SLIT3: variants seen among roughly 807,000 people sequenced by gnomAD.
SLIT3 encodes slit guidance ligand 3.
SLIT3 carries 68 observed loss-of-function variants against 184.0 expected under a neutral mutation model. The observed-to-expected ratio is 0.37, with a 90% CI of 0.30 to 0.45. SLIT3 has a LOEUF of 0.45. SLIT3 is among the 20% of genes least tolerant of loss of function. The pLI is 1.00. For synonymous variants in SLIT3, 831 were observed against 828.6 expected (o/e 1.00, Z -0.05); for missense variants, 1,707 against 2,026.0 (o/e 0.84, Z 3.02).
rs181519813 is a variant in SLIT3, at chr5:168,700,820, T to C, written c.2845-141A>G. On this transcript the variant is annotated intron_variant, in intron 26 of 35. Coordinates refer to ENST00000519560, the MANE Select transcript of SLIT3 (RefSeq NM_003062.4). The stretch of plus-strand genomic sequence containing the variant: ...AGGAGCCCCTAGGAAAGGCCTGCTG[T>C]GTGACTTGGAGCCCACCCATGGGAG... 1.8e-4 allele frequency: 114 copies of C among 645,940 alleles called. 2 individuals carry two copies. The Admixed American group carries it at 2.8e-3, about 16-fold the overall frequency. The allele number at this position is 645,940 out of a possible 1,614,324, so 40.0% of individuals were successfully genotyped here. A position where few individuals can be genotyped will look rare whatever the true frequency, so the allele number is the denominator to read the frequency against.
intron 4 of SLIT3, among the ~76,000 whole-genome samples, chr5:169,158,178 T>C (rs189809355): frequency 1.4e-4 from 21 of 152,250 alleles, no homozygotes; most frequent in African/African-American, 5.1e-4. Flanking sequence ...AGACGCACCA[T>C]AGAAAAATTT....
rs1217961148 is a variant in SLIT3, at chr5:168,746,724, CGGTGTGTGGT to C, written c.2270+1568_2270+1577del. On this transcript the variant is annotated intron_variant, in intron 20 of 35. Coordinates refer to ENST00000519560, the MANE Select transcript of SLIT3 (RefSeq NM_003062.4). ...GTGGTGGTGTGTGGTGTGGGTGTGGCGGTGTGTGGTGGTGTGCGGTGGTGTGGGTGTGGCG... is the reference window on the plus strand; with the variant it reads ...GTGGTGGTGTGTGGTGTGGGTGTGGCGGTGTGCGGTGGTGTGGGTGTGGCG... Among the ~76,000 whole-genome samples, 9 of 10,570 alleles carry C rather than the reference CGGTGTGTGGT, an allele frequency of 8.5e-4. No homozygotes were observed. In the South Asian group the frequency reaches 0.022, roughly 26 times the overall value. The allele number at this position is 10,570 out of a possible 152,430, so 6.9% of individuals were successfully genotyped here.
At chr5:168,769,480 T>C (rs1482793332) in intron 14 of SLIT3, among the ~76,000 whole-genome samples, 1 of 152,212 alleles carries the variant, frequency 6.6e-6, no homozygotes, top group East Asian at 1.9e-4. Flanking sequence ...TTGTCTGCCA[T>C]GTTGGACCAG....
intron 35 of SLIT3, among the ~76,000 whole-genome samples, chr5:168,667,109 T>C (rs1483780059): frequency 2.0e-5 from 3 of 152,206 alleles, no homozygotes; most frequent in Admixed American, 2.0e-4. Context: ...TCTGGATTTC[T>C]GCCTTCCTTG....
In SLIT3 at chr5:168,849,337, G is replaced by A. The variant is rs150507957; in HGVS notation, c.486-4682C>T. Among the ~76,000 whole-genome samples, 65 of 152,310 alleles carry A rather than the reference G, an allele frequency of 4.3e-4. 2 individuals carry two copies. Among genetic ancestry groups the A allele is most frequent in the African/African-American group, 1.5e-3 (61 of 41,580 alleles). ...CAGAGGCCCCAAATCCAGCAGCAGC[G>A]TTCTGCTCTGAGCTTCTGTTCATGT... On this transcript the variant is annotated intron_variant, in intron 5 of 35. Transcript: ENST00000519560.
chr5:169,037,241 A>G (rs1175414861), intron 4 of SLIT3, among the ~76,000 whole-genome samples: 5 of 152,270 alleles, frequency 3.3e-5, no homozygotes, highest in African/African-American at 4.8e-5. Flanking sequence ...AACAAAGTCC[A>G]TAATTACTAA....
intron 12 of SLIT3, among the ~76,000 whole-genome samples, chr5:168,776,333 G>C (rs1755746459): frequency 6.6e-6 from 1 of 152,188 alleles, no homozygotes; most frequent in Non-Finnish European, 1.5e-5. Flanking sequence ...TCTAATAATG[G>C]GCAAGGTCCC....
At chr5:169,109,487 C>T (rs535679185) in intron 4 of SLIT3, among the ~76,000 whole-genome samples, 2 of 152,352 alleles carry the variant, frequency 1.3e-5, no homozygotes, top group African/African-American at 2.4e-5. Context: ...GAAGATCCAA[C>T]TACACTGTGC....
At chr5:169,083,561 C>T (rs1262853039) in intron 4 of SLIT3, among the ~76,000 whole-genome samples, 1 of 152,234 alleles carries the variant, frequency 6.6e-6, no homozygotes, top group Non-Finnish European at 1.5e-5. Flanking sequence ...TCCCTGTGAT[C>T]TCCTGCTCTT....
At chr5:169,019,583 C>A (rs933682963) in intron 4 of SLIT3, among the ~76,000 whole-genome samples, 8 of 152,192 alleles carry the variant, frequency 5.3e-5, no homozygotes, top group Non-Finnish European at 8.8e-5. Context: ...CCACAAATGT[C>A]AGAAAAACTG....
chr5:168,913,513 G>C (rs1761323858), intron 4 of SLIT3, among the ~76,000 whole-genome samples: 1 of 152,046 alleles, frequency 6.6e-6, no homozygotes, highest in African/African-American at 2.4e-5. Context: ...CATGCCTGTA[G>C]TACCAGCACT....
Position 169,206,194 on chromosome 5 carries a change from CAA to C in SLIT3, c.342-12646_342-12645del, listed in dbSNP as rs1322306834. On this transcript the variant is annotated intron_variant, in intron 3 of 35. Transcript: ENST00000519560. ...AACACTCTGCAAAAGCACGCTCCATCAAGACATTAAGCATGCCTTGGGCAGCC... is the reference window on the plus strand; with the variant it reads ...AACACTCTGCAAAAGCACGCTCCATCGACATTAAGCATGCCTTGGGCAGCC... Among the ~76,000 whole-genome samples the C allele has an allele frequency of 4.6e-5, 7 of 152,312 alleles. No individual in the cohort carries two copies. In the East Asian group the frequency reaches 7.7e-4, roughly 17 times the overall value.
rs1048078404 is a variant in SLIT3, at chr5:169,065,515, T to C, written c.413+127964A>G. 3.3e-5 allele frequency among the ~76,000 whole-genome samples: 5 copies of C among 152,202 alleles called. No individual in the cohort carries two copies. In the East Asian group the frequency reaches 7.7e-4, roughly 23 times the overall value. On this transcript the variant is annotated intron_variant, in intron 4 of 35. Coordinates refer to ENST00000519560, the MANE Select transcript of SLIT3 (RefSeq NM_003062.4). ...TCCCCAGAAGTTCTATACTTGTCTC[T>C]CTGGGGAATGAATGGGAGGAGCCTG...
At chr5:169,104,215 T>C (rs1032982196) in intron 4 of SLIT3, among the ~76,000 whole-genome samples, 2 of 152,138 alleles carry the variant, frequency 1.3e-5, no homozygotes, top group African/African-American at 4.8e-5. Context: ...GGTGCACCCA[T>C]GAAGCCGCGC....
intron 4 of SLIT3, among the ~76,000 whole-genome samples, chr5:168,963,684 T>G (rs1409215209): frequency 6.6e-6 from 1 of 152,134 alleles, no homozygotes; most frequent in African/African-American, 2.4e-5. Flanking sequence ...TGATTCAGAG[T>G]CTGGACCATC....
chr5:168,798,224 T>TTC lies in SLIT3; in HGVS notation c.936-2647_936-2646insGA, dbSNP rs747068436. On this transcript the variant is annotated intron_variant, in intron 9 of 35. Coordinates refer to ENST00000519560, the MANE Select transcript of SLIT3 (RefSeq NM_003062.4). ...TGGTTTTCTTTTCTTCTTCTTCTTC[T>TTC]TTTTTTTTTTTTTTTAAGAGACAGA... Among the ~76,000 whole-genome samples the TTC allele has an allele frequency of 7.1e-3, 914 of 128,236 alleles. 9 individuals are homozygous for TTC. Among genetic ancestry groups the TTC allele is most frequent in the South Asian group, 0.012 (45 of 3,772 alleles). The allele number at this position is 128,236 out of a possible 152,430, so 84.1% of individuals were successfully genotyped here.
intron 5 of SLIT3, among the ~76,000 whole-genome samples, chr5:168,872,949 T>C (rs1204940445): frequency 6.6e-6 from 1 of 152,178 alleles, no homozygotes; most frequent in African/African-American, 2.4e-5. Flanking sequence ...CAAAAGTTCA[T>C]ACTTTCAGAC....
At chr5:168,689,524 T>C (rs1308541887) in intron 29 of SLIT3, among the ~76,000 whole-genome samples, 3 of 152,234 alleles carry the variant, frequency 2.0e-5, no homozygotes, top group Non-Finnish European at 2.9e-5. Flanking sequence ...GTGAGCCTCA[T>C]AAAATGTGAA....
chr5:169,112,915 C>G (rs771213589), intron 4 of SLIT3, among the ~76,000 whole-genome samples: 3 of 152,092 alleles, frequency 2.0e-5, no homozygotes, highest in Admixed American at 6.6e-5. Context: ...TTCCATGCAC[C>G]CCTCAGGCCT....
Sources: gnomAD v4.1 joint callset for allele counts (sites outside exome capture counted in the v4.1 genomes callset) on GRCh38, gnomAD v4.1.1 for gene constraint, MANE v1.5 for transcripts, NCBI Gene and HGNC (gene_info 2026-07-23, HGNC 2026-07-21) for gene names.